Variants in CSRNP1 observed in about 807,000 individuals in gnomAD.
CSRNP1 encodes cysteine/serine-rich nuclear protein 1.
CSRNP1 carries 8 observed loss-of-function variants against 25.0 expected under a neutral mutation model. The observed-to-expected ratio is 0.32, with a 90% CI of 0.19 to 0.58. The LOEUF (loss-of-function observed/expected upper bound fraction) is 0.58, where lower values mean the gene tolerates loss of function less well. Ranked by LOEUF, CSRNP1 falls within the 20% of genes least tolerant of loss-of-function variation. The pLI, the probability that CSRNP1 is intolerant of heterozygous loss-of-function variation, is 0.88. For synonymous variants in CSRNP1, 305 were observed against 303.1 expected (o/e 1.01, Z -0.06); for missense variants, 691 against 773.1 (o/e 0.89, Z 1.26).
In CSRNP1 at chr3:39,142,931, G is replaced by T; in HGVS notation, c.*124C>A. The stretch of plus-strand genomic sequence containing the variant: ...CCAGAGAATTGTTTGAAAACCAGGA[G>T]TGTGCACATGGCACCTGTGGGTGAG... On this transcript the variant is annotated 3_prime_UTR_variant, in exon 5 of 5. Coordinates refer to ENST00000273153, the MANE Select transcript of CSRNP1 (RefSeq NM_033027.4). 9.5e-7 allele frequency: 1 copy of T among 1,047,664 alleles called. No individual in the cohort carries two copies. Among genetic ancestry groups the T allele is most frequent in the African/African-American group, 1.6e-5 (1 of 62,878 alleles). 64.9% of individuals were successfully genotyped at this position (1,047,664 alleles called of 1,614,324 possible). A position where few individuals can be genotyped will look rare whatever the true frequency, so the allele number is the denominator to read the frequency against.
Position 39,142,146 on chromosome 3 carries a change from G to C in CSRNP1, c.*909C>G, listed in dbSNP as rs1315032613. ...GGGCCACGCTGAAGTGCAGTGCCCAGAAAGCCCTGAGATAATAGTCTGGGG... is the reference window on the plus strand; with the variant it reads ...GGGCCACGCTGAAGTGCAGTGCCCACAAAGCCCTGAGATAATAGTCTGGGG... On this transcript the variant is annotated 3_prime_UTR_variant, in exon 5 of 5. Transcript: ENST00000273153. 6.6e-6 allele frequency: 1 copy of C among 152,420 alleles called. No individual in the cohort carries two copies. Among genetic ancestry groups the C allele is most frequent in the Admixed American group, 6.5e-5 (1 of 15,294 alleles). The allele number at this position is 152,420 out of a possible 1,614,324, so 9.4% of individuals were successfully genotyped here.
chr3:39,154,054 A>G (rs1266912966), upstream of CSRNP1: 1 of 151,522 alleles, frequency 6.6e-6, no homozygotes, highest in African/African-American at 2.4e-5. Flanking sequence ...TTTTATTCCA[A>G]TCTAAAAGTT....
At chr3:39,145,321 G>T in intron 2 of CSRNP1, 65 bp from the exon 3 acceptor site, 1 of 1,499,632 alleles carries the variant, frequency 6.7e-7, no homozygotes, top group Admixed American at 2.3e-5. Context: ...CCTCCAAAAA[G>T]ATCATGCCAG....
intron 3 of CSRNP1, among the ~76,000 whole-genome samples, chr3:39,144,709 C>G (rs7610619): frequency 0.14 from 21,820 of 151,972 alleles, 2,277 homozygotes; most frequent in African/African-American, 0.3. Flanking sequence ...CAGACAGATA[C>G]GCACCCCCTC....
In CSRNP1 at chr3:39,142,672, C is replaced by A. The variant is rs1216100457; in HGVS notation, c.*383G>T. 2 of 174,446 alleles carry A rather than the reference C, an allele frequency of 1.1e-5. No homozygotes were observed. The highest frequency in any genetic ancestry group is 2.4e-5 in the Non-Finnish European group (2 of 81,884). The allele number at this position is 174,446 out of a possible 1,614,324, so 10.8% of individuals were successfully genotyped here. ...CCCATGGGTCTAGGGCTCAGGGTGGCAGAAGCCACCTGATTTCAGCCCTGT... is the reference window on the plus strand; with the variant it reads ...CCCATGGGTCTAGGGCTCAGGGTGGAAGAAGCCACCTGATTTCAGCCCTGT... On this transcript the variant is annotated 3_prime_UTR_variant, in exon 5 of 5. Transcript: ENST00000273153.
rs1408137544 is a variant in CSRNP1, at chr3:39,143,521, C to G, written c.1304G>C (p.Gly435Ala). ...PADIFGTSDPGGLASWTHSYS... is the reference protein window; with the variant it reads ...PADIFGTSDPAGLASWTHSYS... ...GCTGTGGGTCCAGCTGGCCAGGCCA[C>G]CAGGGTCACTAGTACCAAAGATGTC... is the stretch of plus-strand genomic sequence containing the variant. The change falls in exon 5 of 5, where the codon GGT becomes GCT. Residue 435 changes from glycine (G) to alanine (A), a missense_variant. Transcript: ENST00000273153. The G allele has an allele frequency of 1.9e-6, 3 of 1,614,226 alleles. No individual in the cohort carries two copies. The highest frequency in any genetic ancestry group is 2.5e-6 in the Non-Finnish European group (3 of 1,180,046).
chr3:39,146,755 G>A, intron 1 of CSRNP1, 33 bp from the exon 2 acceptor site: 3 of 1,525,800 alleles, frequency 2.0e-6, no homozygotes, highest in Non-Finnish European at 1.8e-6. Context: ...CTAAGTGGCA[G>A]GCAGGCAGCA....
chr3:39,146,093 C>T (rs1322601493), intron 2 of CSRNP1, among the ~76,000 whole-genome samples: 1 of 152,168 alleles, frequency 6.6e-6, no homozygotes, highest in Non-Finnish European at 1.5e-5. Flanking sequence ...AGCATTTTGA[C>T]AGGAGAGGGA....
In CSRNP1 at chr3:39,143,214, G is replaced by A; in HGVS notation, c.1611C>T (p.Phe537=). The part of the protein sequence containing the change: ...DSLDNIEAPH[F]PLPGLSPPGD... ...CAGGTGGAGACAGGCCAGGCAGGGG[G>A]AAGTGAGGTGCCTCGATGTTGTCCA... The change falls in exon 5 of 5, where the codon TTC becomes TTT. Residue 537 remains phenylalanine, a synonymous_variant. Transcript: ENST00000273153. 1.9e-6 allele frequency: 3 copies of A among 1,614,226 alleles called. No individual in the cohort carries two copies. Among genetic ancestry groups the A allele is most frequent in the Non-Finnish European group, 2.5e-6 (3 of 1,180,038 alleles).
chr3:39,146,837 G>A (rs930955755), intron 1 of CSRNP1, 115 bp from the exon 2 acceptor site: 21 of 1,374,790 alleles, frequency 1.5e-5, no homozygotes, highest in Non-Finnish European at 1.8e-5. Context: ...CCTGGCCTCT[G>A]CCCTCCAGCC....
chr3:39,146,736 G>A lies in CSRNP1; in HGVS notation c.-40-14C>T, dbSNP rs1343477300. On this transcript the variant is annotated splice_polypyrimidine_tract_variant and intron_variant, in intron 1 of 4. Coordinates refer to ENST00000273153, the MANE Select transcript of CSRNP1 (RefSeq NM_033027.4). The stretch of plus-strand genomic sequence containing the variant: ...GGGACAGACAGCCTGGAATAGGAAT[G>A]AGAAGGCTCTAAGTGGCAGGCAGGC... The A allele has an allele frequency of 6.5e-7, 1 of 1,543,588 alleles. No homozygotes were observed. The highest frequency in any genetic ancestry group is 1.4e-5 in the African/African-American group (1 of 72,890).
intron 1 of CSRNP1, chr3:39,150,617 C>T (rs1559734365): frequency 1.3e-5 from 2 of 152,514 alleles, no homozygotes; most frequent in African/African-American, 2.4e-5. Context: ...GAGGGAAGCT[C>T]AGGCTGCAGG....
chr3:39,144,479 G>A, intron 3 of CSRNP1, 28 bp from the exon 4 acceptor site: 1 of 1,567,176 alleles, frequency 6.4e-7, no homozygotes, highest in Non-Finnish European at 8.6e-7. Flanking sequence ...AGGGATGTAA[G>A]AAGCACAGAC....
chr3:39,144,358 C>G lies in CSRNP1; in HGVS notation c.559G>C (p.Ala187Pro), dbSNP rs776980215. The change falls in exon 4 of 5, where the codon GCT becomes CCT. Residue 187 changes from alanine (A) to proline (P), a missense_variant. Ala to Pro is a conservative substitution (Grantham distance 27). Transcript: ENST00000273153. ...TCTTCCAACCGGCCACCTGCCACAG[C>G]GACTGCCAAGTCCTCCTCCACAGAG... ...DASVEEDLAV[A>P]VAGGRLEEVS... is the part of the protein sequence containing the mutation. 1.9e-6 allele frequency: 3 copies of G among 1,614,004 alleles called. No homozygotes were observed. Among genetic ancestry groups the G allele is most frequent in the African/African-American group, 1.3e-5 (1 of 74,932 alleles).
At chr3:39,150,353 G>A (rs1000198980) in intron 1 of CSRNP1, 1 of 152,318 alleles carries the variant, frequency 6.6e-6, no homozygotes, top group Admixed American at 6.5e-5. Flanking sequence ...GTCTAGGACA[G>A]AGTCTGGCAT....
In CSRNP1 at chr3:39,143,249, A is replaced by T. The variant is rs1290599589; in HGVS notation, c.1576T>A (p.Ser526Thr). 6.2e-7 allele frequency: 1 copy of T among 1,614,130 alleles called. No individual in the cohort carries two copies. Among genetic ancestry groups the T allele is most frequent in the Non-Finnish European group, 8.5e-7 (1 of 1,180,010 alleles). ...LGPHYTSQKV[S>T]DSLDNIEAPH... ...GCCTCGATGTTGTCCAGGCTGTCAG[A>T]CACCTTCTGTGATGTGTAGTGAGGC... The change falls in exon 5 of 5, where the codon TCT becomes ACT. Residue 526 changes from serine (S) to threonine (T), a missense_variant. By Grantham distance (58) the Ser-to-Thr change is moderately conservative. Transcript: ENST00000273153.
intron 1 of CSRNP1, 85 bp downstream of exon 1, chr3:39,153,353 G>A: frequency 5.6e-6 from 1 of 177,586 alleles, no homozygotes; most frequent in Non-Finnish European, 1.3e-5. Context: ...TGAACGGCAG[G>A]AGGCAGGAGC....
In CSRNP1 at chr3:39,146,566, G is replaced by C; in HGVS notation, c.117C>G (p.Val39=). Residue 39 remains valine (V), a synonymous_variant, in exon 2 of 5, where the codon GTC becomes GTG. Coordinates refer to ENST00000273153, the MANE Select transcript of CSRNP1 (RefSeq NM_033027.4). ...CCTCCTCTGAGTCCCAGGCACGGGA[G>C]ACAGAAGAGCTTGGGGAGCAGGAGC... ...QSRSCSPSSS[V]SRAWDSEEEG... 1 of 1,555,254 alleles carries C rather than the reference G, an allele frequency of 6.4e-7. No individual in the cohort carries two copies. Among genetic ancestry groups the C allele is most frequent in the Non-Finnish European group, 8.7e-7 (1 of 1,148,964 alleles).
At position 39,143,965 on chromosome 3, in the gene CSRNP1, G is replaced by C; in HGVS notation, c.860C>G (p.Ala287Gly). Residue 287 changes from alanine (A) to glycine (G), a missense_variant, in exon 5 of 5, where the codon GCA becomes GGA. Transcript: ENST00000273153. ...NPMGRVEFNQ[A>G]RVQTHFIHTL... ...GTGGATGAAATGGGTCTGAACTCTT[G>C]CCTGATTAAATTCCACACGGCCCAT... The C allele has an allele frequency of 6.2e-7, 1 of 1,614,084 alleles. No homozygotes were observed. Among genetic ancestry groups the C allele is most frequent in the South Asian group, 1.1e-5 (1 of 91,090 alleles).
Sources: allele counts gnomAD v4.1 joint callset (sites outside exome capture counted in the v4.1 genomes callset), GRCh38; gene constraint gnomAD v4.1.1; transcripts MANE v1.5; gene names NCBI Gene and HGNC (gene_info 2026-07-23, HGNC 2026-07-21).